The following CPLX2 variants were observed in gnomAD, a reference collection of about 807,000 sequenced individuals.
CPLX2 encodes the protein complexin 2, also known as complexin-2.
Under a neutral mutation model 16.3 loss-of-function variants are expected in CPLX2, and 5 were observed. That is an observed-to-expected ratio of 0.31 (90% CI 0.16 to 0.64). CPLX2 has a LOEUF of 0.64. CPLX2 is among the 30% of genes least tolerant of loss of function. The pLI is 0.79. For missense variants in CPLX2, 144 were observed against 181.4 expected, an observed-to-expected ratio of 0.79 and a Z score of 1.18; for synonymous variants, 89 against 73.2, an observed-to-expected ratio of 1.22 and a Z score of -1.10.
At chr5:175,797,038 A>G (rs1481169248) in intron 1 of CPLX2, among the ~76,000 whole-genome samples, 1 of 152,114 alleles carries the variant, frequency 6.6e-6, no homozygotes, top group South Asian at 2.1e-4. Flanking sequence ...TCGGGTCAGC[A>G]CTGCAGCGGC....
intron 1 of CPLX2, among the ~76,000 whole-genome samples, chr5:175,800,466 C>A (rs1464998647): frequency 7.0e-6 from 1 of 143,542 alleles, no homozygotes; most frequent in Non-Finnish European, 1.5e-5. Context: ...GCCTGGGCAA[C>A]AAGGCAAGAC....
chr5:175,861,892 T>C (rs1010182610), intron 2 of CPLX2: 2 of 152,172 alleles, frequency 1.3e-5, no homozygotes, highest in Admixed American at 1.3e-4. Context: ...GTAACAGTCA[T>C]AAAGGAAAGC....
intron 1 of CPLX2, chr5:175,878,191 G>A (rs1483679388): frequency 2.6e-5 from 4 of 152,966 alleles, no homozygotes; most frequent in Admixed American, 6.5e-5. Flanking sequence ...CAGTGGCCCA[G>A]GCTGGGCCCC....
chr5:175,848,055 G>A (rs1445149619), intron 2 of CPLX2, among the ~76,000 whole-genome samples: 4 of 152,242 alleles, frequency 2.6e-5, no homozygotes, highest in Non-Finnish European at 5.9e-5. Flanking sequence ...TTTAGACACA[G>A]CCCTGCCTCA....
At position 175,840,726 on chromosome 5, in the gene CPLX2, AG is replaced by A. The variant is rs372995685; in HGVS notation, c.-89+31660del. Among the ~76,000 whole-genome samples, 346 of 152,380 alleles carry A rather than the reference AG, an allele frequency of 2.3e-3. 3 individuals are homozygous for A. The highest frequency in any genetic ancestry group is 7.8e-3 in the African/African-American group (326 of 41,592). The stretch of plus-strand genomic sequence containing the variant: ...GACAGGGTCTCACCTCTTCTGTATT[AG>A]GCTGGTGCCAGGGAAAAGGGCAGGC... On this transcript the variant is annotated intron_variant, in intron 2 of 4. Coordinates refer to the CPLX2 transcript ENST00000359546.
At chr5:175,832,646 C>G (rs1758755609) in intron 2 of CPLX2, among the ~76,000 whole-genome samples, 1 of 152,158 alleles carries the variant, frequency 6.6e-6, no homozygotes. Flanking sequence ...CCTCCCCTTC[C>G]AAGGAATCTT....
chr5:175,816,333 AATTTTTGT>A (rs1203303120), intron 2 of CPLX2, among the ~76,000 whole-genome samples: 1 of 152,076 alleles, frequency 6.6e-6, no homozygotes, highest in Non-Finnish European at 1.5e-5. Flanking sequence ...ATGCCCAGCT[AATTTTTGT>A]ATTTTTAGTA....
intron 2 of CPLX2, among the ~76,000 whole-genome samples, chr5:175,844,682 C>T (rs1214440205): frequency 1.3e-5 from 2 of 152,208 alleles, no homozygotes; most frequent in African/African-American, 4.8e-5. Flanking sequence ...GTGCGAAGGG[C>T]CGGAGGCTGG....
chr5:175,799,577 G>T (rs867757784), intron 1 of CPLX2, among the ~76,000 whole-genome samples: 1,218 of 55,360 alleles, frequency 0.022, 17 homozygotes, highest in African/African-American at 0.079. Flanking sequence ...TATATATATA[G>T]TAATCACAGC....
intron 1 of CPLX2, among the ~76,000 whole-genome samples, chr5:175,799,539 C>CATATATATATCTATATATAT (rs1227041477): frequency 1.4e-5 from 1 of 72,276 alleles, no homozygotes; most frequent in South Asian, 5.0e-4. Flanking sequence ...TTGCAAATTT[C>CATATATATATCTATATATAT]ATATATATAT....
rs774757157 is a variant in CPLX2 at position 175,836,125 on chromosome 5, C to T, written c.-89+27057C>T. On this transcript the variant is annotated intron_variant, in intron 2 of 4. Coordinates refer to the CPLX2 transcript ENST00000359546. The stretch of plus-strand genomic sequence containing the variant: ...CAGCACTTTGGGAGGCCAAGGCGGG[C>T]AGATCACGAGGTCAGGAGATCGAAA... 4.7e-4 allele frequency among the ~76,000 whole-genome samples: 72 copies of T among 152,110 alleles called. 1 individual carries two copies. Among genetic ancestry groups the T allele is most frequent in the African/African-American group, 7.5e-4 (31 of 41,436 alleles).
chr5:175,860,580 AGGG>A lies in CPLX2; in HGVS notation c.-88-18071_-88-18069del. Among the ~76,000 whole-genome samples, 3 of 121,218 alleles carry A rather than the reference AGGG, an allele frequency of 2.5e-5. No individual in the cohort carries two copies. The South Asian group carries it at 9.6e-4, about 39-fold the overall frequency. The allele number at this position is 121,218 out of a possible 152,430, so 79.5% of individuals were successfully genotyped here. A position where few individuals can be genotyped will look rare whatever the true frequency, so the allele number is the denominator to read the frequency against. On this transcript the variant is annotated intron_variant, in intron 2 of 4. Transcript: ENST00000359546. ...AGAAAGAAAAAGAAGGGAGGGAGGGAGGGAGGGAAGGAAGGAAGGAAGGAAGGA... is the reference window on the plus strand; with the variant it reads ...AGAAAGAAAAAGAAGGGAGGGAGGGAAGGGAAGGAAGGAAGGAAGGAAGGA...
Position 175,865,029 on chromosome 5 carries a change from T to C in CPLX2, c.-88-13623T>C, listed in dbSNP as rs886666884. 3.0e-4 allele frequency among the ~76,000 whole-genome samples: 46 copies of C among 151,884 alleles called. 1 individual carries two copies. Among genetic ancestry groups the C allele is most frequent in the Non-Finnish European group, 1.8e-4 (12 of 67,952 alleles). ...ACTGATTTCTTTAATGCATGCCTCA[T>C]TGCCTCCCTTCATCCAACCCTCCCC... On this transcript the variant is annotated intron_variant, in intron 2 of 4. Transcript: ENST00000359546.
intron 2 of CPLX2, among the ~76,000 whole-genome samples, chr5:175,859,186 T>C (rs926171618): frequency 1.3e-5 from 2 of 152,130 alleles, no homozygotes; most frequent in African/African-American, 2.4e-5. Flanking sequence ...AAAAGCATCT[T>C]TGGGAAAACA....
chr5:175,835,537 G>A (rs999784734), intron 2 of CPLX2, among the ~76,000 whole-genome samples: 1 of 152,054 alleles, frequency 6.6e-6, no homozygotes, highest in South Asian at 2.1e-4. Context: ...TCATGAACAC[G>A]GATGCAAAAA....
intron 2 of CPLX2, among the ~76,000 whole-genome samples, chr5:175,863,199 T>A (rs1046912375): frequency 9.2e-5 from 14 of 152,206 alleles, no homozygotes; most frequent in African/African-American, 3.4e-4. Context: ...TCACTTTTGG[T>A]CACCTTGAGA....
In CPLX2 at chr5:175,879,036, C is replaced by A. The variant is rs565316889; in HGVS notation, c.160C>A (p.Arg54Ser). The A allele has an allele frequency of 8.2e-6, 13 of 1,589,880 alleles. No individual in the cohort carries two copies. The highest frequency in any genetic ancestry group is 1.8e-4 in the Middle Eastern group (1 of 5,508). ...QEEERKAKHA[R>S]MEAEREKVRQ... The stretch of plus-strand genomic sequence containing the variant: ...GGAGGAGCGTAAGGCCAAGCACGCG[C>A]GCATGGAGGCGGAGCGGGAGAAGGT... Residue 54 changes from arginine to serine, a missense_variant, in exon 3 of 4, where the codon CGC becomes AGC. Arg to Ser is a moderately radical substitution (Grantham distance 110). Coordinates refer to ENST00000393745, the MANE Select transcript of CPLX2 (RefSeq NM_001008220.2).
intron 2 of CPLX2, among the ~76,000 whole-genome samples, chr5:175,855,229 G>A (rs911303900): frequency 6.6e-6 from 1 of 152,280 alleles, no homozygotes; most frequent in Non-Finnish European, 1.5e-5. Flanking sequence ...AGCAGTCGAG[G>A]TTCAGTCCAG....
chr5:175,842,548 T>C (rs1758963898), intron 2 of CPLX2, among the ~76,000 whole-genome samples: 1 of 152,212 alleles, frequency 6.6e-6, no homozygotes, highest in Non-Finnish European at 1.5e-5. Context: ...GGAAGACACA[T>C]GGTACCGTGG....
Sources: allele counts gnomAD v4.1 joint callset (sites outside exome capture counted in the v4.1 genomes callset), GRCh38; gene constraint gnomAD v4.1.1; transcripts MANE v1.5; gene names NCBI Gene and HGNC (gene_info 2026-07-23, HGNC 2026-07-21).